Variants in ANO7 observed in about 807,000 individuals in gnomAD.
ANO7 encodes the protein anoctamin-7.
Under a neutral mutation model 115.8 loss-of-function variants are expected in ANO7, and 114 were observed. The ratio of observed to expected loss-of-function variants is 0.98; its 90% CI spans 0.85 to 1.15. The LOEUF (loss-of-function observed/expected upper bound fraction) is 1.15, where lower values mean the gene tolerates loss of function less well. ANO7 is among the 50% of genes most tolerant of loss of function. The pLI, the probability that ANO7 is intolerant of heterozygous loss-of-function variation, is 0.00. For missense variants in ANO7, 1,302 were observed against 1,201.2 expected, an observed-to-expected ratio of 1.08 and a Z score of -1.24; for synonymous variants, 550 against 498.2, an observed-to-expected ratio of 1.10 and a Z score of -1.38.
chr2:241,212,706 T>G, intron 17 of ANO7, 80 bp downstream of exon 17: 1 of 1,451,912 alleles, frequency 6.9e-7, no homozygotes, highest in Admixed American at 2.0e-5. Context: ...GAGCTTTGAT[T>G]TGCAGCAATT....
In ANO7 at chr2:241,200,248, C is replaced by T. The variant is rs1222727067; in HGVS notation, c.554+23C>T. ...ACGGTAAGGCAGGGGCCCTGCCAGT[C>T]GGAGGAAAGAACAGGAGTGAGTGGG... On this transcript the variant is annotated intron_variant, in intron 6 of 24. Coordinates refer to ENST00000674324, the MANE Select transcript of ANO7 (RefSeq NM_001370694.2). 6 of 1,607,774 alleles carry T rather than the reference C, an allele frequency of 3.7e-6. No individual in the cohort carries two copies. In the South Asian group the frequency reaches 4.4e-5, roughly 12 times the overall value.
intron 7 of ANO7, among the ~76,000 whole-genome samples, chr2:241,201,650 T>A (rs993779932): frequency 2.0e-5 from 3 of 151,840 alleles, no homozygotes; most frequent in Non-Finnish European, 2.9e-5. Context: ...CCAGGCAGGG[T>A]GGGTCCTGCC....
Position 241,224,281 on chromosome 2 carries a change from G to C in ANO7, c.*128G>C. 1 of 1,059,012 alleles carries C rather than the reference G, an allele frequency of 9.4e-7. No homozygotes were observed. Among genetic ancestry groups the C allele is most frequent in the Non-Finnish European group, 1.4e-6 (1 of 730,752 alleles). 65.6% of individuals were successfully genotyped at this position (1,059,012 alleles called of 1,614,324 possible). Reference sequence around the variant, plus strand: ...TGGCTGCTGTTGTGCCTCATCTCTGGGCACATTGCCTGCTTCCCCCCAGCG... The same window carrying C: ...TGGCTGCTGTTGTGCCTCATCTCTGCGCACATTGCCTGCTTCCCCCCAGCG... On this transcript the variant is annotated 3_prime_UTR_variant, in exon 25 of 25. Transcript: ENST00000674324.
chr2:241,229,337 A>G, downstream of ANO7: 1 of 387,174 alleles, frequency 2.6e-6, no homozygotes, highest in South Asian at 2.5e-5. Flanking sequence ...CGGGTGGACC[A>G]GGAGCTGGAG....
intron 19 of ANO7, among the ~76,000 whole-genome samples, chr2:241,217,193 T>C (rs1234813768): frequency 6.6e-6 from 1 of 152,160 alleles, no homozygotes; most frequent in Non-Finnish European, 1.5e-5. Context: ...CTCCCCAGCG[T>C]AGCCGCGGCA....
rs773209898 is a variant in ANO7 at position 241,204,925 on chromosome 2, G to T, written c.950G>T (p.Gly317Val). ...AVVGTLVFLV[G>V]CFLVFSDIPT... ...GTGGGCACACTGGTGTTCCTGGTGG[G>T]CTGCTTCCTGGTGTTCTCAGACATA... Residue 317 changes from glycine to valine, a missense_variant, in exon 10 of 25, where the codon GGC becomes GTC. Physicochemically the swap from Gly to Val is moderately radical, Grantham distance 109 (BLOSUM62 -3). Transcript: ENST00000674324. 4.3e-6 allele frequency: 7 copies of T among 1,613,942 alleles called. No individual in the cohort carries two copies. Among genetic ancestry groups the T allele is most frequent in the Non-Finnish European group, 5.9e-6 (7 of 1,179,984 alleles).
At chr2:241,235,856 A>C in the ANO7 span, among the ~76,000 whole-genome samples, 4 of 152,320 alleles carry the variant, frequency 2.6e-5, no homozygotes, top group Middle Eastern at 0.01. Flanking sequence ...CTTCAGGCCC[A>C]CGTAGGAGGA....
chr2:241,221,773 G>A (rs2069024989), intron 21 of ANO7, among the ~76,000 whole-genome samples: 1 of 151,802 alleles, frequency 6.6e-6, no homozygotes, highest in African/African-American at 2.4e-5. Context: ...CACCTCCCAG[G>A]TTCAAGCGAT....
At chr2:241,210,229 TG>T in intron 13 of ANO7, 65 bp from the exon 14 acceptor site, 3 of 1,512,660 alleles carry the variant, frequency 2.0e-6, no homozygotes, top group South Asian at 2.2e-5. Context: ...TCGGGGGCCA[TG>T]GCCTGAGGGT....
At chr2:241,235,327 C>T in the ANO7 span, 1 of 1,602,280 alleles carries the variant, frequency 6.2e-7, no homozygotes, top group Non-Finnish European at 8.5e-7. Context: ...GCCCTGGGAC[C>T]CAGAAGTGGT....
At chr2:241,217,353 T>C (rs1425774754) in intron 19 of ANO7, among the ~76,000 whole-genome samples, 6 of 152,190 alleles carry the variant, frequency 3.9e-5, no homozygotes, top group Non-Finnish European at 8.8e-5. Context: ...ACAGCTCCCC[T>C]GTGGGGTGAC....
chr2:241,236,155 G>A, the ANO7 span: 20 of 198,738 alleles, frequency 1.0e-4, no homozygotes, highest in Admixed American at 1.0e-3. Flanking sequence ...GTCTCTCCAC[G>A]GCAACGTGAG....
intron 21 of ANO7, among the ~76,000 whole-genome samples, chr2:241,219,156 C>T (rs75312350): frequency 3.5e-4 from 54 of 152,306 alleles, no homozygotes; most frequent in East Asian, 3.5e-3. Context: ...GTACTTCACC[C>T]GCAGTTGTGG....
Position 241,217,679 on chromosome 2 carries a change from C to A in ANO7, c.1973-7C>A, listed in dbSNP as rs1163836212. 21 of 1,574,266 alleles carry A rather than the reference C, an allele frequency of 1.3e-5. No individual in the cohort carries two copies. Among genetic ancestry groups the A allele is most frequent in the Non-Finnish European group, 1.8e-5 (21 of 1,160,804 alleles). On this transcript the variant is annotated splice_polypyrimidine_tract_variant and splice_region_variant and intron_variant, in intron 19 of 24. Coordinates refer to ENST00000674324, the MANE Select transcript of ANO7 (RefSeq NM_001370694.2). ...CGGAGAGCCCGGCCGTGACCCCCTC[C>A]CCGCAGTGCTGCAGTTCGGCTTCGT...
At chr2:241,219,977 G>C (rs917869608) in intron 21 of ANO7, among the ~76,000 whole-genome samples, 1 of 152,126 alleles carries the variant, frequency 6.6e-6, no homozygotes, top group Admixed American at 6.5e-5. Context: ...TTACCACCTA[G>C]TAAGCAGCAA....
In ANO7 at chr2:241,190,030, A is replaced by G. The variant is rs2302053; in HGVS notation, c.-7-27A>G. On this transcript the variant is annotated intron_variant, in intron 1 of 24. Transcript: ENST00000674324. ...CTCACCCATCCCCTCTCTGACCCCC[A>G]TCCCCACCCGGCCTTGCTGGGTGCA... 4.4e-3 allele frequency: 6,852 copies of G among 1,542,002 alleles called. 190 individuals carry two copies. In the East Asian group the frequency reaches 0.075, roughly 17 times the overall value.
chr2:241,222,517 A>T (rs1020423030), intron 21 of ANO7, among the ~76,000 whole-genome samples: 1 of 152,002 alleles, frequency 6.6e-6, no homozygotes, highest in African/African-American at 2.4e-5. Flanking sequence ...CTGGCCACTT[A>T]AAAGTTTATT....
the ANO7 span, among the ~76,000 whole-genome samples, chr2:241,232,856 T>C: frequency 6.6e-6 from 1 of 151,606 alleles, no homozygotes; most frequent in Admixed American, 6.6e-5. Context: ...GACTAAAAAT[T>C]AAAAAATGTA....
chr2:241,189,899 G>A (rs939361264), intron 1 of ANO7, among the ~76,000 whole-genome samples, 158 bp from the exon 2 acceptor site: 4 of 152,096 alleles, frequency 2.6e-5, no homozygotes, highest in Non-Finnish European at 5.9e-5. Context: ...TTCTCCATGT[G>A]CTCATGGCCA....
Sources: gnomAD v4.1 joint callset for allele counts (sites outside exome capture counted in the v4.1 genomes callset) on GRCh38, gnomAD v4.1.1 for gene constraint, MANE v1.5 for transcripts, NCBI Gene and HGNC (gene_info 2026-07-23, HGNC 2026-07-21) for gene names.